Variants in ASTN1 observed in about 807,000 individuals in gnomAD.
The protein encoded by ASTN1 is astrotactin-1.
ASTN1 carries 41 observed loss-of-function variants against 140.7 expected under a neutral mutation model. That is an observed-to-expected ratio of 0.29 (90% CI 0.23 to 0.38). The LOEUF (loss-of-function observed/expected upper bound fraction) is 0.38, where lower values mean the gene tolerates loss of function less well. ASTN1 is among the 10% of genes least tolerant of loss of function. The probability of loss-of-function intolerance (pLI) is 1.00; values close to 1 mark genes in which losing one functional copy is unlikely to be tolerated. For synonymous variants in ASTN1, 640 were observed against 652.2 expected, an observed-to-expected ratio of 0.98 and a Z score of 0.29; for missense variants, 1,479 against 1,678.8, an observed-to-expected ratio of 0.88 and a Z score of 2.08.
At chr1:177,088,010 G>A (rs565900810) in intron 1 of ASTN1, among the ~76,000 whole-genome samples, 1 of 152,224 alleles carries the variant, frequency 6.6e-6, no homozygotes, top group Non-Finnish European at 1.5e-5. Context: ...AAAGAGCTTT[G>A]GATTAATGAA....
intron 2 of ASTN1, among the ~76,000 whole-genome samples, chr1:177,036,576 CATT>C (rs1676730112): frequency 6.6e-6 from 1 of 152,078 alleles, no homozygotes; most frequent in Non-Finnish European, 1.5e-5. Flanking sequence ...TAATATGTGA[CATT>C]ATTTAATAAT....
intron 8 of ASTN1, among the ~76,000 whole-genome samples, chr1:177,013,387 G>A (rs1294970645): frequency 6.6e-6 from 1 of 152,004 alleles, no homozygotes; most frequent in Non-Finnish European, 1.5e-5. Context: ...AACATCTATG[G>A]GCATCTATCA....
intron 1 of ASTN1, among the ~76,000 whole-genome samples, chr1:177,149,234 ATATATATATAC>A (rs1682878438): frequency 2.5e-5 from 2 of 80,914 alleles, no homozygotes; most frequent in African/African-American, 2.0e-4. Flanking sequence ...TATATAGTAA[ATATATATATAC>A]TATATATAGT....
Position 176,861,481 on chromosome 1 carries a change from C to T in ASTN1, c.*2803G>A. ...TTGAATACCGGTCCAGTACCATCAC[C>T]CTTTCTAGCCAGGATGGGTTCCTTC... is the stretch of plus-strand genomic sequence containing the variant. On this transcript the variant is annotated 3_prime_UTR_variant, in exon 23 of 23. Coordinates refer to ENST00000361833, the MANE Select transcript of ASTN1 (RefSeq NM_004319.3). 1.0e-6 allele frequency: 1 copy of T among 985,810 alleles called. No homozygotes were observed. The highest frequency in any genetic ancestry group is 1.2e-6 in the Non-Finnish European group (1 of 829,946). 61.1% of individuals were successfully genotyped at this position (985,810 alleles called of 1,614,324 possible).
intron 1 of ASTN1, among the ~76,000 whole-genome samples, chr1:177,157,520 G>T (rs1366469501): frequency 6.6e-6 from 1 of 151,992 alleles, no homozygotes; most frequent in East Asian, 1.9e-4. Context: ...TTGTCATGTT[G>T]CCAAGGCCTG....
rs1174217356 is a variant in ASTN1 at position 176,862,180 on chromosome 1, T to C, written c.*2104A>G. 1 of 985,318 alleles carries C rather than the reference T, an allele frequency of 1.0e-6. No individual in the cohort carries two copies. Among genetic ancestry groups the C allele is most frequent in the Non-Finnish European group, 1.2e-6 (1 of 829,956 alleles). The allele number at this position is 985,318 out of a possible 1,614,324, so 61.0% of individuals were successfully genotyped here. ...CTGAGGCTCCAGCATTTGCCACAGG[T>C]GGGACAGCCAATTTTTCTGCTGATC... On this transcript the variant is annotated 3_prime_UTR_variant, in exon 23 of 23. Coordinates refer to ENST00000361833, the MANE Select transcript of ASTN1 (RefSeq NM_004319.3).
chr1:176,965,073 T>G, intron 9 of ASTN1, 90 bp downstream of exon 9: 1 of 1,270,100 alleles, frequency 7.9e-7, no homozygotes. Flanking sequence ...TTTCCTATTT[T>G]ATACTTTACC....
At chr1:177,050,247 A>G (rs1019337347) in intron 2 of ASTN1, among the ~76,000 whole-genome samples, 7 of 152,182 alleles carry the variant, frequency 4.6e-5, no homozygotes, top group African/African-American at 1.7e-4. Context: ...TTGATATCCC[A>G]TATGGATCTC....
intron 17 of ASTN1, among the ~76,000 whole-genome samples, chr1:176,890,378 G>C (rs751239596): frequency 6.6e-6 from 1 of 152,166 alleles, no homozygotes; most frequent in Non-Finnish European, 1.5e-5. Flanking sequence ...TTGAAGTAGT[G>C]TTCCAGGTTG....
At chr1:177,032,949 G>A in intron 2 of ASTN1, 100 bp from the exon 3 acceptor site, 5 of 1,327,586 alleles carry the variant, frequency 3.8e-6, no homozygotes, top group Middle Eastern at 3.8e-4. Flanking sequence ...ACTTATTTAT[G>A]CATTCATTCA....
chr1:177,122,219 A>G (rs749823793), intron 1 of ASTN1, among the ~76,000 whole-genome samples: 2 of 152,200 alleles, frequency 1.3e-5, no homozygotes, highest in African/African-American at 2.4e-5. Context: ...AGAAAGCCCA[A>G]TGAGTTAATG....
intron 14 of ASTN1, among the ~76,000 whole-genome samples, chr1:176,941,996 G>A (rs912845001): frequency 2.0e-5 from 3 of 152,158 alleles, no homozygotes; most frequent in Non-Finnish European, 4.4e-5. Context: ...ATGTGCGCGT[G>A]TGCATGTAAT....
chr1:177,013,553 A>T (rs543208139), intron 8 of ASTN1, among the ~76,000 whole-genome samples: 1 of 152,294 alleles, frequency 6.6e-6, no homozygotes, highest in East Asian at 1.9e-4. Context: ...AGAGTCCAGA[A>T]CTACATTCAG....
At chr1:177,109,787 C>G (rs1298521662) in intron 1 of ASTN1, among the ~76,000 whole-genome samples, 1 of 152,258 alleles carries the variant, frequency 6.6e-6, no homozygotes, top group East Asian at 1.9e-4. Flanking sequence ...ACTTGAAGAT[C>G]TCTCATGGGT....
At chr1:177,050,785 C>A (rs1677503257) in intron 2 of ASTN1, among the ~76,000 whole-genome samples, 1 of 152,156 alleles carries the variant, frequency 6.6e-6, no homozygotes, top group Non-Finnish European at 1.5e-5. Context: ...ACAGTCCTCA[C>A]AAAAACCAAC....
rs3979529 is a variant in ASTN1 at position 177,002,376 on chromosome 1, AACACACACACACACAC to A, written c.1523+12399_1523+12414del. The stretch of plus-strand genomic sequence containing the variant: ...AATAATAAAATGTGCCTTACACACA[AACACACACACACACAC>A]ACACACACACACACACACACACACA... On this transcript the variant is annotated intron_variant, in intron 8 of 22. Transcript: ENST00000361833. 1.1e-3 allele frequency among the ~76,000 whole-genome samples: 160 copies of A among 148,676 alleles called. 2 individuals carry two copies. Among genetic ancestry groups the A allele is most frequent in the Middle Eastern group, 3.4e-3 (1 of 290 alleles).
chr1:176,925,933 G>A lies in ASTN1; in HGVS notation c.2671+8219C>T, dbSNP rs180940583. Among the ~76,000 whole-genome samples, 219 of 152,006 alleles carry A rather than the reference G, an allele frequency of 1.4e-3. 5 individuals carry two copies. In the East Asian group the frequency reaches 0.035, roughly 24 times the overall value. The stretch of plus-strand genomic sequence containing the variant: ...CCATTCTCTTGCCTCAGCCTCCCGA[G>A]TAGCTGGGACTACAGGTGCCCGGCA... On this transcript the variant is annotated intron_variant, in intron 16 of 22. Transcript: ENST00000361833.
chr1:177,037,365 C>T (rs1421630899), intron 2 of ASTN1, among the ~76,000 whole-genome samples: 1 of 152,188 alleles, frequency 6.6e-6, no homozygotes, highest in Admixed American at 6.5e-5. Flanking sequence ...CCTCTGGATT[C>T]TCAGCTCCAA....
chr1:177,025,066 C>T (rs1676039122), intron 5 of ASTN1, among the ~76,000 whole-genome samples: 1 of 152,154 alleles, frequency 6.6e-6, no homozygotes. Flanking sequence ...CAGGCTTTTG[C>T]CAAGGGTGGG....
Sources: gnomAD v4.1 joint callset for allele counts (sites outside exome capture counted in the v4.1 genomes callset) on GRCh38, gnomAD v4.1.1 for gene constraint, MANE v1.5 for transcripts, NCBI Gene and HGNC (gene_info 2026-07-23, HGNC 2026-07-21) for gene names.